The following TTC16 variants were observed in gnomAD, a reference collection of about 807,000 sequenced individuals.
TTC16 encodes tetratricopeptide repeat protein 16.
TTC16 carries 66 observed loss-of-function variants against 80.4 expected under a neutral mutation model. The observed-to-expected ratio is 0.82, with a 90% CI of 0.67 to 1.01. The LOEUF (loss-of-function observed/expected upper bound fraction) is 1.01. Among genes scored for constraint, TTC16 ranks in the 50% least tolerant of loss-of-function variants. TTC16 has a pLI of 0.00. For synonymous variants in TTC16, 438 were observed against 451.3 expected (o/e 0.97, Z 0.37); for missense variants, 1,070 against 1,103.2 (o/e 0.97, Z 0.43).
At position 127,720,180 on chromosome 9, in the gene TTC16, T is replaced by C. The variant is rs1344262026; in HGVS notation, c.527+2T>C. 1.9e-6 allele frequency: 3 copies of C among 1,613,614 alleles called. No individual in the cohort carries two copies. Among genetic ancestry groups the C allele is most frequent in the South Asian group, 2.2e-5 (2 of 91,086 alleles). ...GAAACCATGCTTCCGTTACCGATGG[T>C]GAGTGCCCCTGCCAGCCCCTTCTCC... On this transcript the variant is annotated splice_donor_variant, in intron 5 of 13. Coordinates refer to ENST00000373289, the MANE Select transcript of TTC16 (RefSeq NM_144965.3). LOFTEE classifies it high-confidence loss of function.
At chr9:127,716,685 G>C in intron 1 of TTC16, 159 bp from the exon 2 acceptor site, 1 of 894,840 alleles carries the variant, frequency 1.1e-6, no homozygotes, top group Non-Finnish European at 1.7e-6. Flanking sequence ...CGTCCCTAAG[G>C]GGAATGGGGC....
At chr9:127,724,005 C>G in intron 7 of TTC16, 115 bp from the exon 8 acceptor site, 1 of 1,378,044 alleles carries the variant, frequency 7.3e-7, no homozygotes, top group South Asian at 1.5e-5. Flanking sequence ...ATCCCCACTG[C>G]CTCCATGGGT....
In TTC16 at chr9:127,720,934, C is replaced by T. The variant is rs557259950; in HGVS notation, c.657+539C>T. ...CCTCCCTCCTCCCTTCCTCCCTTCC[C>T]CCTTCCTCCTTTCCTCCTCTTCTTC... On this transcript the variant is annotated intron_variant, in intron 6 of 13. Transcript: ENST00000373289. Among the ~76,000 whole-genome samples the T allele has an allele frequency of 3.3e-3, 397 of 120,846 alleles. 4 individuals carry two copies. Among genetic ancestry groups the T allele is most frequent in the African/African-American group, 0.014 (378 of 26,998 alleles). 79.3% of individuals were successfully genotyped at this position (120,846 alleles called of 152,430 possible).
intron 6 of TTC16, 149 bp downstream of exon 6, chr9:127,720,544 A>G: frequency 9.5e-7 from 1 of 1,054,792 alleles, no homozygotes; most frequent in Non-Finnish European, 1.4e-6. Context: ...GAAGAGGCCC[A>G]CACTGGCCTG....
At position 127,717,783 on chromosome 9, in the gene TTC16, C is replaced by T; in HGVS notation, c.426+11C>T. ...GTGCTCTACCTACAGGTGCCTGGGGCCTCCCGGGCCCATGCAGGGCACCCA... is the reference window on the plus strand; with the variant it reads ...GTGCTCTACCTACAGGTGCCTGGGGTCTCCCGGGCCCATGCAGGGCACCCA... On this transcript the variant is annotated intron_variant, in intron 4 of 13. Transcript: ENST00000373289. 2 of 1,608,656 alleles carry T rather than the reference C, an allele frequency of 1.2e-6. No homozygotes were observed. Among genetic ancestry groups the T allele is most frequent in the Non-Finnish European group, 8.5e-7 (1 of 1,178,050 alleles).
chr9:127,717,431 G>C lies in TTC16; in HGVS notation c.282+7G>C, dbSNP rs372374435. The C allele has an allele frequency of 1.2e-4, 193 of 1,609,474 alleles. No homozygotes were observed. Among genetic ancestry groups the C allele is most frequent in the Non-Finnish European group, 1.5e-4 (176 of 1,177,028 alleles). ...CCACCTGGACCCACAGCTGGTGAGA[G>C]GCAGACCTGGGTGGGCACAGGCAGT... On this transcript the variant is annotated splice_region_variant and intron_variant, in intron 3 of 13. Transcript: ENST00000373289.
At chr9:127,719,226 T>A (rs559316580) in intron 4 of TTC16, among the ~76,000 whole-genome samples, 203 of 151,000 alleles carry the variant, frequency 1.3e-3, no homozygotes, top group Middle Eastern at 3.4e-3. Flanking sequence ...AAAAAAAAAA[T>A]TCTGTTCTTA....
Position 127,722,612 on chromosome 9 carries a change from G to A in TTC16, c.658-507G>A, listed in dbSNP as rs967663582. Among the ~76,000 whole-genome samples, 64 of 152,268 alleles carry A rather than the reference G, an allele frequency of 4.2e-4. No homozygotes were observed. The highest frequency in any genetic ancestry group is 1.5e-3 in the African/African-American group (64 of 41,550). ...GGTCACATCTGGAAAGGGCCAGCTG[G>A]CATGGGGCCTGGGATGGAATTTCTC... On this transcript the variant is annotated intron_variant, in intron 6 of 13. Transcript: ENST00000373289. The surrounding 1 kb of genome is among the most constrained non-coding windows in gnomAD (Gnocchi z 4.2).
At chr9:127,729,394 G>A in intron 12 of TTC16, 187 bp from the exon 13 acceptor site, 2 of 580,578 alleles carry the variant, frequency 3.4e-6, no homozygotes, top group Admixed American at 3.0e-5. Flanking sequence ...TGCCTGTCTA[G>A]CCTGGTCGCT....
rs374365770 is a variant in TTC16, at chr9:127,724,894, G to A, written c.1256G>A (p.Arg419His). 25 of 1,530,090 alleles carry A rather than the reference G, an allele frequency of 1.6e-5. No homozygotes were observed. Among genetic ancestry groups the A allele is most frequent in the Non-Finnish European group, 1.8e-5 (20 of 1,141,896 alleles). The allele number at this position is 1,530,090 out of a possible 1,614,324, so 94.8% of individuals were successfully genotyped here. A position where few individuals can be genotyped will look rare whatever the true frequency, so the allele number is the denominator to read the frequency against. The change falls in exon 9 of 14, where the codon CGC (arginine) becomes CAC (histidine). Residue 419 changes from arginine (R) to histidine (H), a missense_variant. Transcript: ENST00000373289. ...AAGATGGGCTTCTGCGAGCAGAGGC[G>A]CAAGTGCGTGGGCTCCCGCCCCCAC... ...QEKMGFCEQR[R>H]KQFQKAENHF...
chr9:127,717,465 C>A, intron 3 of TTC16, 41 bp downstream of exon 3: 8 of 1,594,006 alleles, frequency 5.0e-6, no homozygotes, highest in Non-Finnish European at 6.9e-6. Flanking sequence ...GTTGCTGGAA[C>A]ATGCTTCCTC....
chr9:127,724,335 A>C lies in TTC16; in HGVS notation c.1088A>C (p.Gln363Pro). The change falls in exon 8 of 14, where the codon CAG (glutamine) becomes CCG (proline). Residue 363 changes from glutamine to proline, a missense_variant. By Grantham distance (76) the Gln-to-Pro change is moderately conservative. Transcript: ENST00000373289. ...AACAAGGCCCTCCGGGACGAGCAGC[A>C]GGAGAAAGGACTCTACATCAACCGA... is the stretch of plus-strand genomic sequence containing the variant. ...LLNKALRDEQ[Q>P]EKGLYINRGD... The C allele has an allele frequency of 6.4e-7, 1 of 1,562,140 alleles. No individual in the cohort carries two copies. The highest frequency in any genetic ancestry group is 8.7e-7 in the Non-Finnish European group (1 of 1,146,704).
At chr9:127,725,557 C>A (rs1422570532) in intron 9 of TTC16, among the ~76,000 whole-genome samples, 1 of 92,184 alleles carries the variant, frequency 1.1e-5, no homozygotes, top group African/African-American at 4.9e-5. Context: ...GAGTGAGACT[C>A]CGTCTCAAAA....
chr9:127,727,543 C>T (rs1279638761), intron 12 of TTC16, 78 bp downstream of exon 12: 2 of 1,510,450 alleles, frequency 1.3e-6, no homozygotes. Flanking sequence ...CTGAAGGATG[C>T]AGGCCAGTGG....
Position 127,727,410 on chromosome 9 carries a change from A to G in TTC16, c.1709A>G (p.Glu570Gly). ...EIPQVKPGSS[E>G]GEAEAPEEEE... is the part of the protein sequence containing the mutation. ...CCGCAGGTAAAACCGGGAAGCTCAG[A>G]GGGAGAGGCTGAGGCCCCTGAGGAG... Residue 570 changes from glutamate (E) to glycine (G), a missense_variant, in exon 12 of 14, where the codon GAG becomes GGG. Transcript: ENST00000373289. 6.2e-7 allele frequency: 1 copy of G among 1,610,344 alleles called. No homozygotes were observed. Among genetic ancestry groups the G allele is most frequent in the South Asian group, 1.1e-5 (1 of 90,520 alleles).
Position 127,729,688 on chromosome 9 carries a change from G to T in TTC16, c.1852+20G>T, listed in dbSNP as rs370229993. ...TGAGCTGTAAGTCCCTGGTGCTTCCGCCAGGCCTCAGGAAGCTAAGGCAGC... is the reference window on the plus strand; with the variant it reads ...TGAGCTGTAAGTCCCTGGTGCTTCCTCCAGGCCTCAGGAAGCTAAGGCAGC... On this transcript the variant is annotated intron_variant, in intron 13 of 13. Coordinates refer to ENST00000373289, the MANE Select transcript of TTC16 (RefSeq NM_144965.3). The T allele has an allele frequency of 2.5e-6, 4 of 1,608,456 alleles. No individual in the cohort carries two copies. The highest frequency in any genetic ancestry group is 4.5e-5 in the East Asian group (2 of 44,864).
intron 9 of TTC16, among the ~76,000 whole-genome samples, chr9:127,725,660 C>T (rs1217997116): frequency 2.7e-5 from 4 of 150,934 alleles, no homozygotes; most frequent in African/African-American, 7.3e-5. Flanking sequence ...AGTGTAATGG[C>T]GCCATCTCAG....
Position 127,720,142 on chromosome 9 carries a change from A to AATGTGAGAAACCAT in TTC16, c.491_492insATGTGAGAAACCAT (p.Leu165CysfsTer38). The AATGTGAGAAACCAT allele has an allele frequency of 6.2e-7, 1 of 1,613,792 alleles. No individual in the cohort carries two copies. The highest frequency in any genetic ancestry group is 1.3e-5 in the African/African-American group (1 of 75,004). ...CTGAATGTCTTCTCACATGCTGCTG[A>AATGTGAGAAACCAT]GCTCCAGCCTGAGAAACCATGCTTC... On this transcript the variant is annotated frameshift_variant, in exon 5 of 14. Coordinates refer to ENST00000373289, the MANE Select transcript of TTC16 (RefSeq NM_144965.3). LOFTEE classifies it high-confidence loss of function.
chr9:127,716,662 G>A (rs1184897880), intron 1 of TTC16, 182 bp from the exon 2 acceptor site: 4 of 711,042 alleles, frequency 5.6e-6, no homozygotes, highest in Non-Finnish European at 9.1e-6. Flanking sequence ...GACTGCAGAG[G>A]GACAGGTTGG....
Sources: gnomAD v4.1 joint callset for allele counts (sites outside exome capture counted in the v4.1 genomes callset) on GRCh38, gnomAD v4.1.1 for gene constraint, Gnocchi (gnomAD v3.1) non-coding constraint, MANE v1.5 for transcripts, NCBI Gene and HGNC (gene_info 2026-07-23, HGNC 2026-07-21) for gene names.